Variants in PLEKHM3 observed in about 807,000 individuals in gnomAD.
The protein encoded by PLEKHM3 is pleckstrin homology domain containing M3, also known as pleckstrin homology domain-containing family M member 3.
Under a neutral mutation model 81.8 loss-of-function variants are expected in PLEKHM3, and 45 were observed. The ratio of observed to expected loss-of-function variants is 0.55; its 90% CI spans 0.43 to 0.71. The LOEUF is 0.71. Among genes scored for constraint, PLEKHM3 ranks in the 30% least tolerant of loss-of-function variants. The pLI, the probability that PLEKHM3 is intolerant of heterozygous loss-of-function variation, is 0.00. For synonymous variants in PLEKHM3, 352 were observed against 356.4 expected (o/e 0.99, Z 0.14); for missense variants, 788 against 924.3 (o/e 0.85, Z 1.91).
chr2:207,876,787 A>G (rs555276792), intron 6 of PLEKHM3, among the ~76,000 whole-genome samples: 1 of 152,334 alleles, frequency 6.6e-6, no homozygotes, highest in East Asian at 1.9e-4. Context: ...CCCTCTTCCA[A>G]CCAAGATTCA....
chr2:207,903,768 G>C (rs367818658), intron 6 of PLEKHM3, among the ~76,000 whole-genome samples: 1 of 152,194 alleles, frequency 6.6e-6, no homozygotes, highest in African/African-American at 2.4e-5. Context: ...AGTGTTAAAA[G>C]TGCCAAGGGG....
intron 4 of PLEKHM3, among the ~76,000 whole-genome samples, chr2:207,936,127 C>T (rs1459112824): frequency 1.3e-5 from 2 of 152,178 alleles, no homozygotes; most frequent in African/African-American, 2.4e-5. Context: ...GGTAGGACTA[C>T]GTGTGCATGA....
At chr2:207,912,683 A>G (rs1382791420) in intron 5 of PLEKHM3, among the ~76,000 whole-genome samples, 1 of 152,250 alleles carries the variant, frequency 6.6e-6, no homozygotes, top group Non-Finnish European at 1.5e-5. Flanking sequence ...ACTGGTAGGT[A>G]TTAAAATGTA....
At chr2:207,844,465 G>T (rs1217537635) in intron 7 of PLEKHM3, among the ~76,000 whole-genome samples, 1 of 141,702 alleles carries the variant, frequency 7.1e-6, no homozygotes, top group Non-Finnish European at 1.6e-5. Context: ...ACCACGCCCG[G>T]AGAATTTTTT....
intron 2 of PLEKHM3, among the ~76,000 whole-genome samples, chr2:207,982,937 T>G (rs1227167356): frequency 6.6e-6 from 1 of 152,096 alleles, no homozygotes; most frequent in Non-Finnish European, 1.5e-5. Context: ...ATACAGTATA[T>G]AATACATATA....
At chr2:207,974,456 A>G (rs1159452892) in intron 3 of PLEKHM3, among the ~76,000 whole-genome samples, 1 of 152,138 alleles carries the variant, frequency 6.6e-6, no homozygotes, top group African/African-American at 2.4e-5. Context: ...GAAATACCTG[A>G]GGCTTTTCTT....
intron 7 of PLEKHM3, among the ~76,000 whole-genome samples, chr2:207,841,468 AAAAAAAAAAAAAATATATATAT>A (rs1270298528): frequency 2.0e-5 from 2 of 101,034 alleles, no homozygotes; most frequent in Non-Finnish European, 3.7e-5. Context: ...AAAAAAAAAA[AAAAAAAAAAAAAATATATATAT>A]ATATATATAT....
chr2:207,934,677 G>A (rs1018834919), intron 4 of PLEKHM3, among the ~76,000 whole-genome samples: 1 of 152,140 alleles, frequency 6.6e-6, no homozygotes, highest in African/African-American at 2.4e-5. Context: ...TTCAGGAGGA[G>A]GTGGAGAAAA....
intron 2 of PLEKHM3, among the ~76,000 whole-genome samples, chr2:207,989,562 CACACTAATCTGAGTCCTCA>C (rs1160175261): frequency 3.9e-5 from 6 of 152,160 alleles, no homozygotes; most frequent in East Asian, 1.9e-4. Context: ...TTGCCACTAT[CACACTAATCTGAGTCCTCA>C]ACACTAATCT....
At chr2:208,021,723 T>C (rs1421223727) in intron 1 of PLEKHM3, among the ~76,000 whole-genome samples, 1 of 152,224 alleles carries the variant, frequency 6.6e-6, no homozygotes, top group Non-Finnish European at 1.5e-5. Flanking sequence ...CTATTCACCC[T>C]CCACTGGAAA....
intron 1 of PLEKHM3, among the ~76,000 whole-genome samples, chr2:208,022,469 G>A (rs1416788423): frequency 6.6e-6 from 1 of 152,124 alleles, no homozygotes; most frequent in Non-Finnish European, 1.5e-5. Context: ...AGAAACTCAG[G>A]TAAAGAATCC....
At chr2:207,907,421 G>A (rs1688645469) in intron 6 of PLEKHM3, among the ~76,000 whole-genome samples, 2 of 152,162 alleles carry the variant, frequency 1.3e-5, no homozygotes, top group Middle Eastern at 3.4e-3. Context: ...AGAATCGCTT[G>A]AACCCGGGAG....
Position 208,021,794 on chromosome 2 carries a change from G to C in PLEKHM3, c.-319+3595C>G, listed in dbSNP as rs1574499055. Among the ~76,000 whole-genome samples, 3 of 152,092 alleles carry C rather than the reference G, an allele frequency of 2.0e-5. No individual in the cohort carries two copies. In the East Asian group the frequency reaches 5.8e-4, roughly 29 times the overall value. ...TGTAGATTTTGTTTTTTTAAACATAGTTCAGAGCTTACTATAGATACGCAT... is the reference window on the plus strand; with the variant it reads ...TGTAGATTTTGTTTTTTTAAACATACTTCAGAGCTTACTATAGATACGCAT... On this transcript the variant is annotated intron_variant, in intron 1 of 7. Transcript: ENST00000427836.
At chr2:207,866,220 A>T (rs2092500028) in intron 6 of PLEKHM3, among the ~76,000 whole-genome samples, 1 of 152,026 alleles carries the variant, frequency 6.6e-6, no homozygotes, top group South Asian at 2.1e-4. Flanking sequence ...CAGTGGTGTG[A>T]TCTAGGCTCA....
intron 4 of PLEKHM3, among the ~76,000 whole-genome samples, chr2:207,939,942 AG>A (rs141248049): frequency 6.2e-4 from 94 of 152,316 alleles, no homozygotes; most frequent in Admixed American, 1.1e-3. Flanking sequence ...GGAGGAGTCC[AG>A]GATGTCTCCC....
intron 2 of PLEKHM3, among the ~76,000 whole-genome samples, chr2:207,999,136 C>G (rs1692212805): frequency 6.6e-6 from 1 of 152,034 alleles, no homozygotes. Flanking sequence ...GCACGTGCCA[C>G]CAAGCCCAGC....
At chr2:207,853,787 T>C (rs1279108050) in intron 7 of PLEKHM3, among the ~76,000 whole-genome samples, 1 of 152,074 alleles carries the variant, frequency 6.6e-6, no homozygotes, top group African/African-American at 2.4e-5. Context: ...ATTATTTTTT[T>C]TTTGACAAAG....
chr2:207,913,461 A>C (rs1001741427), intron 5 of PLEKHM3, among the ~76,000 whole-genome samples: 1 of 152,136 alleles, frequency 6.6e-6, no homozygotes, highest in Non-Finnish European at 1.5e-5. Context: ...GGAAGGAGAG[A>C]ATTTCATGAA....
intron 4 of PLEKHM3, among the ~76,000 whole-genome samples, chr2:207,931,537 T>G (rs1001497346): frequency 4.6e-5 from 7 of 152,354 alleles, no homozygotes; most frequent in Admixed American, 4.6e-4. Flanking sequence ...TTCCTGTGAA[T>G]CCACAATTAT....
Sources: allele counts gnomAD v4.1 joint callset (sites outside exome capture counted in the v4.1 genomes callset), GRCh38; gene constraint gnomAD v4.1.1; transcripts MANE v1.5; gene names NCBI Gene and HGNC (gene_info 2026-07-23, HGNC 2026-07-21).